The following SGCZ variants were observed in gnomAD, a reference collection of about 807,000 sequenced individuals.
SGCZ encodes the protein zeta-sarcoglycan.
A neutral mutation model predicts 41.3 loss-of-function variants in SGCZ; 40 were observed. The observed-to-expected ratio is 0.97, with a 90% CI of 0.75 to 1.26. The LOEUF is 1.26. Ranked by LOEUF, SGCZ falls within the 50% of genes most tolerant of loss-of-function variation. The pLI, the probability that SGCZ is intolerant of heterozygous loss-of-function variation, is 0.00. For synonymous variants in SGCZ, 206 were observed against 137.5 expected (o/e 1.50, Z -3.49); for missense variants, 552 against 369.8 (o/e 1.49, Z -4.04).
chr8:14,313,375 G>A (rs1037521633), intron 3 of SGCZ, among the ~76,000 whole-genome samples: 1 of 152,062 alleles, frequency 6.6e-6, no homozygotes, highest in Non-Finnish European at 1.5e-5. Flanking sequence ...TCACAGTTGC[G>A]CCATCTCGGC....
intron 4 of SGCZ, among the ~76,000 whole-genome samples, chr8:14,170,721 G>A (rs1020697522): frequency 2.0e-5 from 3 of 152,092 alleles, no homozygotes; most frequent in Non-Finnish European, 4.4e-5. Context: ...CAAAGTTGAC[G>A]GGTGAGACGT....
chr8:14,631,746 A>G (rs1806662375), intron 1 of SGCZ, among the ~76,000 whole-genome samples: 1 of 152,124 alleles, frequency 6.6e-6, no homozygotes, highest in African/African-American at 2.4e-5. Context: ...ATAAACAATA[A>G]TGTAGCAGAA....
intron 2 of SGCZ, among the ~76,000 whole-genome samples, chr8:14,420,469 C>T (rs1384698994): frequency 2.0e-5 from 3 of 151,890 alleles, no homozygotes; most frequent in East Asian, 3.9e-4. Context: ...TACTGTTGTT[C>T]GGTATTGCAT....
chr8:14,715,555 C>T (rs999063734), intron 1 of SGCZ, among the ~76,000 whole-genome samples: 1 of 141,986 alleles, frequency 7.0e-6, no homozygotes, highest in Non-Finnish European at 1.5e-5. Flanking sequence ...CACACACACA[C>T]ACACAAACAT....
intron 1 of SGCZ, among the ~76,000 whole-genome samples, chr8:14,590,803 G>A (rs1360885583): frequency 1.4e-5 from 2 of 146,738 alleles, no homozygotes; most frequent in African/African-American, 5.0e-5. Flanking sequence ...TAATATATAT[G>A]AATATATGAT....
intron 1 of SGCZ, among the ~76,000 whole-genome samples, chr8:14,660,374 C>G (rs1807708078): frequency 6.6e-6 from 1 of 151,470 alleles, no homozygotes; most frequent in Admixed American, 6.6e-5. Context: ...GAGTTTGAGA[C>G]CAGCCTAGGC....
intron 1 of SGCZ, among the ~76,000 whole-genome samples, chr8:14,865,620 T>C (rs1310922987): frequency 6.6e-6 from 1 of 152,108 alleles, no homozygotes; most frequent in Non-Finnish European, 1.5e-5. Context: ...AGCAATGATG[T>C]TCATGGGATG....
In SGCZ at chr8:14,166,437, T is replaced by C. The variant is rs550023772; in HGVS notation, c.425-1735A>G. Among the ~76,000 whole-genome samples the C allele has an allele frequency of 4.6e-5, 7 of 152,190 alleles. No individual in the cohort carries two copies. The East Asian group carries it at 1.4e-3, about 29-fold the overall frequency. The stretch of plus-strand genomic sequence containing the variant: ...ATAGTAATCCAACTATTGGGTGATG[T>C]TCAAAAAACTGTGCCAGAGGCCAAT... On this transcript the variant is annotated intron_variant, in intron 4 of 7. Coordinates refer to ENST00000382080, the MANE Select transcript of SGCZ (RefSeq NM_139167.4).
chr8:14,136,155 A>G (rs1803190631), intron 5 of SGCZ, among the ~76,000 whole-genome samples: 1 of 152,196 alleles, frequency 6.6e-6, no homozygotes, highest in Non-Finnish European at 1.5e-5. Context: ...ATGCTCTTCA[A>G]ACACTAAAGA....
intron 4 of SGCZ, among the ~76,000 whole-genome samples, chr8:14,212,830 CAT>C (rs765986471): frequency 6.6e-6 from 1 of 151,770 alleles, no homozygotes; most frequent in Non-Finnish European, 1.5e-5. Flanking sequence ...TTTTCTAAAA[CAT>C]ATTAAAATAG....
intron 3 of SGCZ, among the ~76,000 whole-genome samples, chr8:14,271,869 T>C (rs906121751): frequency 1.3e-5 from 2 of 152,218 alleles, no homozygotes; most frequent in African/African-American, 4.8e-5. Flanking sequence ...ACATCTCTCT[T>C]TATAAATCTT....
intron 5 of SGCZ, among the ~76,000 whole-genome samples, chr8:14,117,695 A>G (rs796372324): frequency 1.3e-4 from 19 of 151,686 alleles, no homozygotes; most frequent in African/African-American, 4.1e-4. Context: ...TCAACCCATC[A>G]TCTACATTAG....
At chr8:14,421,487 A>G (rs1799635659) in intron 2 of SGCZ, among the ~76,000 whole-genome samples, 1 of 152,136 alleles carries the variant, frequency 6.6e-6, no homozygotes, top group Non-Finnish European at 1.5e-5. Context: ...GACAACTCCA[A>G]GGTATTCTTA....
At chr8:14,722,060 T>C (rs1809904623) in intron 1 of SGCZ, among the ~76,000 whole-genome samples, 1 of 152,208 alleles carries the variant, frequency 6.6e-6, no homozygotes, top group Admixed American at 6.5e-5. Context: ...TGTTCCCTGG[T>C]CAAACTATCT....
At chr8:14,821,641 G>C (rs1349000842) in intron 1 of SGCZ, among the ~76,000 whole-genome samples, 1 of 152,038 alleles carries the variant, frequency 6.6e-6, no homozygotes, top group African/African-American at 2.4e-5. Flanking sequence ...CTGATTCTAT[G>C]ATGCAAGAAT....
intron 1 of SGCZ, among the ~76,000 whole-genome samples, chr8:14,842,325 G>A (rs1802949900): frequency 6.6e-6 from 1 of 151,582 alleles, no homozygotes. Context: ...ACAAGCAAAT[G>A]TCATAGGCAG....
intron 1 of SGCZ, among the ~76,000 whole-genome samples, chr8:14,681,624 C>A (rs80329253): frequency 1.3e-5 from 2 of 152,092 alleles, no homozygotes; most frequent in African/African-American, 2.4e-5. Context: ...AAAGTACATA[C>A]GCATAATCCT....
intron 5 of SGCZ, among the ~76,000 whole-genome samples, chr8:14,138,218 A>G (rs1429156545): frequency 8.5e-5 from 13 of 152,230 alleles, no homozygotes; most frequent in African/African-American, 2.7e-4. Flanking sequence ...ACCAGCCACT[A>G]CAAAAACATG....
At chr8:14,903,115 A>G (rs1281594898) in intron 1 of SGCZ, among the ~76,000 whole-genome samples, 1 of 152,122 alleles carries the variant, frequency 6.6e-6, no homozygotes, top group Non-Finnish European at 1.5e-5. Context: ...TCCTTACAGT[A>G]AGTTTAATTA....
Sources: gnomAD v4.1 joint callset for allele counts (sites outside exome capture counted in the v4.1 genomes callset) on GRCh38, gnomAD v4.1.1 for gene constraint, MANE v1.5 for transcripts, NCBI Gene and HGNC (gene_info 2026-07-23, HGNC 2026-07-21) for gene names.